CSGALNACT1: variants seen among roughly 807,000 people sequenced by gnomAD.
CSGALNACT1 encodes the protein chondroitin sulfate N-acetylgalactosaminyltransferase 1, also known as beta4GalNAcT-1.
Under a neutral mutation model 51.0 loss-of-function variants are expected in CSGALNACT1, and 52 were observed. That is an observed-to-expected ratio of 1.02 (90% CI 0.82 to 1.29). The LOEUF (loss-of-function observed/expected upper bound fraction) is 1.29, where lower values mean the gene tolerates loss of function less well. Ranked by LOEUF, CSGALNACT1 falls within the 50% of genes most tolerant of loss-of-function variation. CSGALNACT1 has a pLI of 0.00. For synonymous variants in CSGALNACT1, 341 were observed against 254.4 expected, an observed-to-expected ratio of 1.34 and a Z score of -3.24; for missense variants, 935 against 679.2, an observed-to-expected ratio of 1.38 and a Z score of -4.19.
intron 1 of CSGALNACT1, among the ~76,000 whole-genome samples, chr8:19,625,158 T>C (rs970108742): frequency 6.6e-6 from 1 of 152,196 alleles, no homozygotes; most frequent in Admixed American, 6.5e-5. Flanking sequence ...GGAGAGGGAC[T>C]GTAAAGTATA....
chr8:19,531,627 T>A (rs1433830082), intron 3 of CSGALNACT1, among the ~76,000 whole-genome samples: 4 of 152,188 alleles, frequency 2.6e-5, no homozygotes, highest in Non-Finnish European at 5.9e-5. Flanking sequence ...TGACATAGAA[T>A]CTCATGACTT....
intron 2 of CSGALNACT1, among the ~76,000 whole-genome samples, chr8:19,596,367 C>A (rs1564196550): frequency 6.6e-6 from 1 of 152,078 alleles, no homozygotes; most frequent in Non-Finnish European, 1.5e-5. Flanking sequence ...AAGCCTAAAG[C>A]AGTTGGCTTC....
intron 3 of CSGALNACT1, among the ~76,000 whole-genome samples, chr8:19,516,770 G>A (rs1001912849): frequency 6.6e-6 from 1 of 152,172 alleles, no homozygotes; most frequent in Non-Finnish European, 1.5e-5. Flanking sequence ...TTACTCCTTG[G>A]GCCTGGCCCT....
At chr8:19,699,207 C>T (rs1405268848) in intron 1 of CSGALNACT1, among the ~76,000 whole-genome samples, 2 of 152,122 alleles carry the variant, frequency 1.3e-5, no homozygotes, top group African/African-American at 4.8e-5. Flanking sequence ...TGACTCATTG[C>T]TATTTTTCTT....
At chr8:19,480,600 T>C (rs938523798) in intron 4 of CSGALNACT1, among the ~76,000 whole-genome samples, 1 of 152,200 alleles carries the variant, frequency 6.6e-6, no homozygotes, top group Non-Finnish European at 1.5e-5. Flanking sequence ...GTCTTTACAA[T>C]AGAACAATTT....
chr8:19,410,777 C>G (rs149650434), intron 8 of CSGALNACT1, among the ~76,000 whole-genome samples: 253 of 152,334 alleles, frequency 1.7e-3, no homozygotes, highest in Non-Finnish European at 2.7e-3. Flanking sequence ...CAAAAAGCCA[C>G]TATCTGAAGA....
intron 3 of CSGALNACT1, among the ~76,000 whole-genome samples, chr8:19,551,152 G>GA (rs1186120907): frequency 1.3e-5 from 2 of 152,180 alleles, no homozygotes; most frequent in Non-Finnish European, 2.9e-5. Flanking sequence ...AACTGAAGAA[G>GA]AAAAGAGTAT....
chr8:19,671,586 C>A (rs576383855), intron 1 of CSGALNACT1, among the ~76,000 whole-genome samples: 1 of 152,244 alleles, frequency 6.6e-6, no homozygotes, highest in Non-Finnish European at 1.5e-5. Flanking sequence ...GTGAGAAAAA[C>A]AGACAAACTT....
At chr8:19,417,198 G>A (rs1163648223) in intron 8 of CSGALNACT1, among the ~76,000 whole-genome samples, 3 of 152,118 alleles carry the variant, frequency 2.0e-5, no homozygotes, top group African/African-American at 7.2e-5. Context: ...CTGTTTTTAT[G>A]TATAAAGCAC....
At chr8:19,639,399 G>A (rs1273451160) in intron 1 of CSGALNACT1, among the ~76,000 whole-genome samples, 1 of 152,146 alleles carries the variant, frequency 6.6e-6, no homozygotes, top group African/African-American at 2.4e-5. Context: ...CCACAGAATG[G>A]TTTTTATTTT....
At chr8:19,646,457 A>G (rs1241903952) in intron 1 of CSGALNACT1, among the ~76,000 whole-genome samples, 1 of 152,244 alleles carries the variant, frequency 6.6e-6, no homozygotes, top group Admixed American at 6.5e-5. Context: ...TGCAACATGA[A>G]AACGGATCAT....
At position 19,561,926 on chromosome 8, in the gene CSGALNACT1, C is replaced by G. The variant is rs187617896; in HGVS notation, c.-297+29234G>C. On this transcript the variant is annotated intron_variant, in intron 3 of 9. Transcript: ENST00000454498. ...GGGGAGGGATTGCTATTTCAGCATG[C>G]GGCCTGATCATGCCTGCATTTCTCA... Among the ~76,000 whole-genome samples the G allele has an allele frequency of 4.8e-3, 723 of 152,022 alleles. 14 individuals carry two copies. The highest frequency in any genetic ancestry group is 0.037 in the Admixed American group (560 of 15,282).
intron 3 of CSGALNACT1, among the ~76,000 whole-genome samples, chr8:19,548,087 G>C (rs571338627): frequency 6.6e-6 from 1 of 152,312 alleles, no homozygotes; most frequent in African/African-American, 2.4e-5. Flanking sequence ...ACTATTATTG[G>C]ATTAAGTATT....
chr8:19,737,843 G>A (rs2064079828), intron 1 of CSGALNACT1, among the ~76,000 whole-genome samples: 1 of 152,112 alleles, frequency 6.6e-6, no homozygotes, highest in African/African-American at 2.4e-5. Context: ...TACTTAGAGT[G>A]GTCAAAATCA....
At chr8:19,444,357 GT>G (rs1195408955) in intron 5 of CSGALNACT1, among the ~76,000 whole-genome samples, 1 of 152,184 alleles carries the variant, frequency 6.6e-6, no homozygotes, top group Admixed American at 6.5e-5. Context: ...AGCCATTCCT[GT>G]TTTGTTTTTT....
At chr8:19,669,645 G>T (rs981061070) in intron 1 of CSGALNACT1, among the ~76,000 whole-genome samples, 2 of 151,736 alleles carry the variant, frequency 1.3e-5, no homozygotes, top group African/African-American at 4.8e-5. Flanking sequence ...TTTTTGTTTT[G>T]TTTTTTTTAG....
intron 6 of CSGALNACT1, among the ~76,000 whole-genome samples, chr8:19,428,894 A>C (rs1353433070): frequency 6.7e-6 from 1 of 150,284 alleles, no homozygotes; most frequent in African/African-American, 2.5e-5. Flanking sequence ...CTGTGTATTT[A>C]TATGTATACT....
chr8:19,581,277 T>A (rs900507188), intron 3 of CSGALNACT1, among the ~76,000 whole-genome samples: 19 of 152,322 alleles, frequency 1.2e-4, no homozygotes, highest in African/African-American at 4.3e-4. Context: ...CAGGTAATAC[T>A]GCCAGATATA....
chr8:19,524,264 C>T (rs1166407651), intron 3 of CSGALNACT1, among the ~76,000 whole-genome samples: 3 of 152,136 alleles, frequency 2.0e-5, no homozygotes, highest in Admixed American at 6.5e-5. Flanking sequence ...CCAGCCTGGG[C>T]AACAGAGTGA....
Sources: gnomAD v4.1 joint callset for allele counts (sites outside exome capture counted in the v4.1 genomes callset) on GRCh38, gnomAD v4.1.1 for gene constraint, MANE v1.5 for transcripts, NCBI Gene and HGNC (gene_info 2026-07-23, HGNC 2026-07-21) for gene names.